The following RPS21 variants were observed in gnomAD, a reference collection of about 807,000 sequenced individuals.
RPS21 encodes the protein ribosomal protein S21, also known as small ribosomal subunit protein eS21.
Under a neutral mutation model 14.5 loss-of-function variants are expected in RPS21, and 6 were observed. The observed-to-expected ratio is 0.41, with a 90% CI of 0.23 to 0.82. The LOEUF is 0.82. Ranked by LOEUF, RPS21 falls within the 40% of genes least tolerant of loss-of-function variation. The pLI is 0.31. For missense variants in RPS21, 85 were observed against 115.0 expected, an observed-to-expected ratio of 0.74 and a Z score of 1.19; for synonymous variants, 61 against 42.6, an observed-to-expected ratio of 1.43 and a Z score of -1.69.
At position 62,387,982 on chromosome 20, in the gene RPS21, G is replaced by A. The variant is rs781622866; in HGVS notation, c.186+68G>A. The A allele has an allele frequency of 3.7e-5, 60 of 1,613,934 alleles. 1 individual carries two copies. The South Asian group carries it at 6.4e-4, about 17-fold the overall frequency. On this transcript the variant is annotated intron_variant, in intron 4 of 5. Transcript: ENST00000343986. ...TGGACTTTACCGTGCGCATTGGAGT[G>A]TGTGATGGTGCCTGAGTAGATCTGC...
chr20:62,388,050 C>T, intron 4 of RPS21, 136 bp downstream of exon 4: 3 of 1,573,332 alleles, frequency 1.9e-6, no homozygotes, highest in Non-Finnish European at 2.6e-6. Flanking sequence ...TGGCCGCCTG[C>T]CGCTTCTTGA....
At chr20:62,388,101 G>A in intron 4 of RPS21, 187 bp downstream of exon 4, 1 of 1,525,982 alleles carries the variant, frequency 6.6e-7, no homozygotes, top group Non-Finnish European at 8.8e-7. Flanking sequence ...TCAGGCAGCA[G>A]ACTCTGCCTC....
chr20:62,387,676 TGA>T lies in RPS21; in HGVS notation c.114+4_114+5del. The T allele has an allele frequency of 6.2e-7, 1 of 1,613,984 alleles. No homozygotes were observed. The highest frequency in any genetic ancestry group is 1.1e-5 in the South Asian group (1 of 91,082). On this transcript the variant is annotated splice_donor_region_variant and intron_variant, in intron 3 of 5. Coordinates refer to ENST00000343986, the MANE Select transcript of RPS21 (RefSeq NM_001024.4). ...TCCATCCAGATGAACGTGGCCGAGG[TGA>T]GCTGGGAGCCCGGGAGGCGGGAAGG... is the stretch of plus-strand genomic sequence containing the variant.
Position 62,387,350 on chromosome 20 carries a change from C to A in RPS21, c.12C>A (p.Asp4Glu). The A allele has an allele frequency of 6.2e-7, 1 of 1,604,944 alleles. No individual in the cohort carries two copies. ...AGCCCAGCCTCGAAATGCAGAACGA[C>A]GCCGGCGAGTTCGTGGACCTGTACG... MQNDAGEFVDLYVP... is the reference protein window; with the variant it reads MQNEAGEFVDLYVP... The change falls in exon 2 of 6, where the codon GAC becomes GAA. Residue 4 changes from aspartate to glutamate, a missense_variant. Transcript: ENST00000343986.
Position 62,387,318 on chromosome 20 carries a change from C to T in RPS21, c.-18-3C>T. On this transcript the variant is annotated splice_region_variant and splice_polypyrimidine_tract_variant and intron_variant, in intron 1 of 5. Coordinates refer to ENST00000343986, the MANE Select transcript of RPS21 (RefSeq NM_001024.4). Reference sequence around the variant, plus strand: ...CTCACGGCGCCGCGCGGTGACTCCCCAGGCGCAGCCCAGCCTCGAAATGCA... The same window carrying T: ...CTCACGGCGCCGCGCGGTGACTCCCTAGGCGCAGCCCAGCCTCGAAATGCA... 4 of 1,586,642 alleles carry T rather than the reference C, an allele frequency of 2.5e-6. No homozygotes were observed. Among genetic ancestry groups the T allele is most frequent in the East Asian group, 2.3e-5 (1 of 43,064 alleles).
chr20:62,388,190 G>A, intron 4 of RPS21, 119 bp from the exon 5 acceptor site: 1 of 1,461,574 alleles, frequency 6.8e-7, no homozygotes, highest in Non-Finnish European at 9.2e-7. Flanking sequence ...CTCCCCTTCT[G>A]CGCCTGTCTC....
Position 62,387,309 on chromosome 20 carries a change from G to C in RPS21, c.-18-12G>C. ...CCGGCCGTACTCACGGCGCCGCGCG[G>C]TGACTCCCCAGGCGCAGCCCAGCCT... On this transcript the variant is annotated splice_polypyrimidine_tract_variant and intron_variant, in intron 1 of 5. Coordinates refer to ENST00000343986, the MANE Select transcript of RPS21 (RefSeq NM_001024.4). The C allele has an allele frequency of 1.9e-6, 3 of 1,577,774 alleles. No individual in the cohort carries two copies. Among genetic ancestry groups the C allele is most frequent in the South Asian group, 1.2e-5 (1 of 86,514 alleles).
intron 4 of RPS21, 150 bp from the exon 5 acceptor site, chr20:62,388,159 A>G (rs1442408302): frequency 6.8e-7 from 1 of 1,476,276 alleles, no homozygotes; most frequent in African/African-American, 1.4e-5. Flanking sequence ...GTCAGGCTGC[A>G]GGCTGCCCCG....
rs1052705563 is a variant in RPS21 at position 62,387,125 on chromosome 20, T to G, written c.-30T>G. Reference sequence around the variant, plus strand: ...CTTCCTTTCTCTCTCGCGCGCGGTGTGGTGGCAGCAGGTGTGGCGCGCGGC... The same window carrying G: ...CTTCCTTTCTCTCTCGCGCGCGGTGGGGTGGCAGCAGGTGTGGCGCGCGGC... On this transcript the variant is annotated 5_prime_UTR_variant, in exon 1 of 6. Transcript: ENST00000343986. The G allele has an allele frequency of 1.5e-5, 7 of 473,984 alleles. No individual in the cohort carries two copies. Among genetic ancestry groups the G allele is most frequent in the African/African-American group, 4.2e-5 (2 of 48,042 alleles). 29.4% of individuals were successfully genotyped at this position (473,984 alleles called of 1,614,324 possible). A position where few individuals can be genotyped will look rare whatever the true frequency, so the allele number is the denominator to read the frequency against.
In RPS21 at chr20:62,387,115, G is replaced by A. The variant is rs1315531041; in HGVS notation, c.-40G>A. 2.1e-6 allele frequency: 1 copy of A among 469,120 alleles called. No homozygotes were observed. Among genetic ancestry groups the A allele is most frequent in the Non-Finnish European group, 3.7e-6 (1 of 267,922 alleles). The allele number at this position is 469,120 out of a possible 1,614,324, so 29.1% of individuals were successfully genotyped here. A position where few individuals can be genotyped will look rare whatever the true frequency, so the allele number is the denominator to read the frequency against. Reference sequence around the variant, plus strand: ...TGACTAGCTGCTTCCTTTCTCTCTCGCGCGCGGTGTGGTGGCAGCAGGTGT... The same window carrying A: ...TGACTAGCTGCTTCCTTTCTCTCTCACGCGCGGTGTGGTGGCAGCAGGTGT... On this transcript the variant is annotated 5_prime_UTR_variant, in exon 1 of 6. Transcript: ENST00000343986.
At chr20:62,387,497 C>T in intron 2 of RPS21, 109 bp downstream of exon 2, 4 of 1,588,600 alleles carry the variant, frequency 2.5e-6, no homozygotes, top group Admixed American at 1.7e-5. Flanking sequence ...ACGTCCCTAA[C>T]TTGTCCTGCC....
intron 4 of RPS21, 178 bp from the exon 5 acceptor site, chr20:62,388,131 C>A: frequency 5.4e-6 from 8 of 1,494,286 alleles, no homozygotes; most frequent in East Asian, 4.9e-5. Flanking sequence ...GGTGCCCCCC[C>A]GACCCCGCTC....
chr20:62,387,333 C>G lies in RPS21; in HGVS notation c.-6C>G. 1 of 1,598,678 alleles carries G rather than the reference C, an allele frequency of 6.3e-7. No homozygotes were observed. The highest frequency in any genetic ancestry group is 8.5e-7 in the Non-Finnish European group (1 of 1,173,438). ...GGTGACTCCCCAGGCGCAGCCCAGC[C>G]TCGAAATGCAGAACGACGCCGGCGA... On this transcript the variant is annotated 5_prime_UTR_variant, in exon 2 of 6. Coordinates refer to ENST00000343986, the MANE Select transcript of RPS21 (RefSeq NM_001024.4).
chr20:62,388,053 C>T (rs1034671373), intron 4 of RPS21, 139 bp downstream of exon 4: 136 of 1,571,084 alleles, frequency 8.7e-5, no homozygotes, highest in Non-Finnish European at 1.1e-4. Context: ...CCGCCTGCCG[C>T]TTCTTGAGGG....
intron 4 of RPS21, 31 bp downstream of exon 4, chr20:62,387,945 T>C: frequency 6.2e-7 from 1 of 1,614,252 alleles, no homozygotes; most frequent in Non-Finnish European, 8.5e-7. Context: ...TGCTCATCAC[T>C]TCGGGACATC....
chr20:62,387,535 A>G, intron 2 of RPS21, 76 bp from the exon 3 acceptor site: 2 of 1,584,992 alleles, frequency 1.3e-6, no homozygotes, highest in South Asian at 2.3e-5. Context: ...CCATTCATAT[A>G]CCCCCAACCT....
At position 62,388,046 on chromosome 20, in the gene RPS21, C is replaced by T. The variant is rs373850249; in HGVS notation, c.186+132C>T. ...TGAGCCAGCTGGACTGGGCTGGCCG[C>T]CTGCCGCTTCTTGAGGGTGGAAGAG... On this transcript the variant is annotated intron_variant, in intron 4 of 5. Coordinates refer to ENST00000343986, the MANE Select transcript of RPS21 (RefSeq NM_001024.4). The T allele has an allele frequency of 2.2e-5, 34 of 1,575,008 alleles. No homozygotes were observed. In the African/African-American group the frequency reaches 2.8e-4, roughly 13 times the overall value.
intron 2 of RPS21, 73 bp from the exon 3 acceptor site, chr20:62,387,538 C>G (rs547945902): frequency 6.3e-7 from 1 of 1,588,342 alleles, no homozygotes; most frequent in Non-Finnish European, 8.6e-7. Context: ...TTCATATACC[C>G]CCAACCTCCC....
chr20:62,387,575 C>G lies in RPS21; in HGVS notation c.51-36C>G, dbSNP rs372881669. ...CGTCCCCTCTTTCATTCTTACCGCC[C>G]AAGTCCCCTCTGCTCACTGCGCCCT... On this transcript the variant is annotated intron_variant, in intron 2 of 5. Coordinates refer to ENST00000343986, the MANE Select transcript of RPS21 (RefSeq NM_001024.4). The G allele has an allele frequency of 1.2e-5, 19 of 1,600,432 alleles. No individual in the cohort carries two copies. In the Admixed American group the frequency reaches 3.0e-4, roughly 26 times the overall value.
Sources: allele counts gnomAD v4.1 joint callset, GRCh38; gene constraint gnomAD v4.1.1; transcripts MANE v1.5; gene names NCBI Gene and HGNC (gene_info 2026-07-23, HGNC 2026-07-21).